ARFGEF3: variants seen among roughly 807,000 people sequenced by gnomAD.
The protein encoded by ARFGEF3 is brefeldin A-inhibited guanine nucleotide-exchange protein 3.
Under a neutral mutation model 221.7 loss-of-function variants are expected in ARFGEF3, and 96 were observed. The observed-to-expected ratio is 0.43, with a 90% CI of 0.37 to 0.51. The LOEUF (loss-of-function observed/expected upper bound fraction) is 0.51, where lower values mean the gene tolerates loss of function less well. ARFGEF3 is among the 20% of genes least tolerant of loss of function. The pLI is 0.00. For synonymous variants in ARFGEF3, 1,145 were observed against 1,126.8 expected (o/e 1.02, Z -0.32); for missense variants, 2,410 against 2,789.9 (o/e 0.86, Z 3.07).
intron 4 of ARFGEF3, among the ~76,000 whole-genome samples, chr6:138,223,136 G>C (rs1322671033): frequency 1.3e-5 from 2 of 152,112 alleles, no homozygotes; most frequent in East Asian, 3.8e-4. Flanking sequence ...ACTCCATTTG[G>C]CTGGGCATGT....
In ARFGEF3 at chr6:138,327,906, C is replaced by A; in HGVS notation, c.5002-115C>A. On this transcript the variant is annotated intron_variant, in intron 31 of 33. Coordinates refer to ENST00000251691, the MANE Select transcript of ARFGEF3 (RefSeq NM_020340.5). ...TCAACAAACATATCAAATAGGAAAC[C>A]ATTATCCTCATTTTATAGATGAGGC... The A allele has an allele frequency of 2.7e-6, 2 of 744,618 alleles. 1 individual carries two copies. Among genetic ancestry groups the A allele is most frequent in the South Asian group, 4.0e-5 (2 of 49,486 alleles). The allele number at this position is 744,618 out of a possible 1,614,324, so 46.1% of individuals were successfully genotyped here. A position where few individuals can be genotyped will look rare whatever the true frequency, so the allele number is the denominator to read the frequency against.
At chr6:138,256,787 T>G (rs1367826294) in intron 10 of ARFGEF3, among the ~76,000 whole-genome samples, 3 of 151,802 alleles carry the variant, frequency 2.0e-5, no homozygotes, top group Non-Finnish European at 4.4e-5. Flanking sequence ...CTTTTATTTA[T>G]TTATTTATTT....
intron 27 of ARFGEF3, among the ~76,000 whole-genome samples, chr6:138,317,709 G>A (rs1276552041): frequency 6.6e-6 from 1 of 152,164 alleles, no homozygotes; most frequent in Admixed American, 6.5e-5. Context: ...CATGGTCACA[G>A]CCTTCCTTTG....
chr6:138,277,084 C>T (rs1261334528), intron 12 of ARFGEF3, among the ~76,000 whole-genome samples: 1 of 152,184 alleles, frequency 6.6e-6, no homozygotes, highest in African/African-American at 2.4e-5. Flanking sequence ...ATTGTATTCA[C>T]AGTGTTGTGC....
Position 138,291,896 on chromosome 6 carries a change from C to T in ARFGEF3, c.3211C>T (p.Arg1071Cys), listed in dbSNP as rs764225934. ...SPPEHSPEQGRSLSTAPVVQP... is the reference protein window; with the variant it reads ...SPPEHSPEQGCSLSTAPVVQP... ...CCCCGAGCACAGCCCGGAGCAGGGG[C>T]GCTCCCTGAGCACGGCCCCTGTCGT... The change falls in exon 19 of 34, where the codon CGC becomes TGC. Residue 1071 changes from arginine (R) to cysteine (C), a missense_variant. By Grantham distance (180) the Arg-to-Cys change is radical. This residue lies in a region of ARFGEF3 where 184 missense variants were observed against 141.8 expected (regional missense o/e 1.30). Transcript: ENST00000251691. The surrounding 1 kb of genome is among the most constrained non-coding windows in gnomAD (Gnocchi z 4.5). 27 of 1,492,662 alleles carry T rather than the reference C, an allele frequency of 1.8e-5. No individual in the cohort carries two copies. Among genetic ancestry groups the T allele is most frequent in the Admixed American group, 6.8e-5 (3 of 44,056 alleles). 92.5% of individuals were successfully genotyped at this position (1,492,662 alleles called of 1,614,324 possible).
intron 12 of ARFGEF3, among the ~76,000 whole-genome samples, chr6:138,270,010 G>T (rs796567321): frequency 6.6e-6 from 1 of 152,064 alleles, no homozygotes; most frequent in Non-Finnish European, 1.5e-5. Flanking sequence ...GGTGCTGGCG[G>T]AGCTGCTGGC....
chr6:138,225,492 C>T (rs1205176739), intron 4 of ARFGEF3, among the ~76,000 whole-genome samples: 3 of 152,230 alleles, frequency 2.0e-5, no homozygotes, highest in Non-Finnish European at 2.9e-5. Context: ...TTATATACCT[C>T]ACAATTGCAA....
intron 31 of ARFGEF3, among the ~76,000 whole-genome samples, chr6:138,325,572 T>A (rs577259577): frequency 6.6e-5 from 10 of 152,338 alleles, no homozygotes; most frequent in Admixed American, 2.0e-4. Flanking sequence ...GCATGGCAGT[T>A]GGAGCTGCTG....
chr6:138,170,297 A>G (rs562286598), intron 1 of ARFGEF3, among the ~76,000 whole-genome samples: 1 of 152,354 alleles, frequency 6.6e-6, no homozygotes, highest in African/African-American at 2.4e-5. Context: ...TTGTGTAAGG[A>G]TATTGAAACA....
intron 2 of ARFGEF3, among the ~76,000 whole-genome samples, chr6:138,196,484 A>G (rs1777425261): frequency 6.6e-6 from 1 of 152,248 alleles, no homozygotes; most frequent in Admixed American, 6.5e-5. Flanking sequence ...AAGATAAAAA[A>G]TGGTACACCT....
intron 22 of ARFGEF3, among the ~76,000 whole-genome samples, chr6:138,299,198 T>TAAAAAAAAAA (rs60475752): frequency 1.5e-4 from 6 of 39,438 alleles, no homozygotes; most frequent in African/African-American, 2.6e-4. Flanking sequence ...CGAGACTCTG[T>TAAAAAAAAAA]AAAAAAAAAA....
At chr6:138,300,842 T>C (rs1433487449) in intron 22 of ARFGEF3, among the ~76,000 whole-genome samples, 2 of 152,182 alleles carry the variant, frequency 1.3e-5, no homozygotes, top group African/African-American at 4.8e-5. Context: ...TAAACCCAAC[T>C]TCAAATAATC....
chr6:138,281,935 TG>T (rs1472619317), intron 14 of ARFGEF3, among the ~76,000 whole-genome samples: 2 of 151,992 alleles, frequency 1.3e-5, no homozygotes, highest in Non-Finnish European at 2.9e-5. Context: ...CTGGGTTTTT[TG>T]TTTGGTTGGT....
chr6:138,179,382 G>T (rs1261670157), intron 2 of ARFGEF3, among the ~76,000 whole-genome samples: 1 of 152,102 alleles, frequency 6.6e-6, no homozygotes, highest in Non-Finnish European at 1.5e-5. Context: ...TTGCTTACCT[G>T]CTCCATGATT....
chr6:138,266,693 C>CA lies in ARFGEF3; in HGVS notation c.2128+3088dup, dbSNP rs747814696. 4.0e-5 allele frequency among the ~76,000 whole-genome samples: 6 copies of CA among 151,542 alleles called. No homozygotes were observed. The East Asian group carries it at 1.2e-3, about 30-fold the overall frequency. On this transcript the variant is annotated intron_variant, in intron 12 of 33. Transcript: ENST00000251691. ...TGAAACCCCGTCTCTACTAAAAATA[C>CA]AAAAAATTAGCTGGGCGTGGTGGCA...
chr6:138,316,802 C>A (rs1222012824), intron 26 of ARFGEF3, among the ~76,000 whole-genome samples: 10 of 152,166 alleles, frequency 6.6e-5, no homozygotes, highest in Admixed American at 4.6e-4. Context: ...TAGTGATAGT[C>A]GCACAACATT....
At chr6:138,260,782 CA>C (rs2114586687) in intron 10 of ARFGEF3, among the ~76,000 whole-genome samples, 1 of 151,792 alleles carries the variant, frequency 6.6e-6, no homozygotes, top group African/African-American at 2.4e-5. Context: ...ATAAAAATTT[CA>C]AAACAGGTAC....
At chr6:138,318,366 T>C (rs1270487931) in intron 27 of ARFGEF3, among the ~76,000 whole-genome samples, 2 of 152,158 alleles carry the variant, frequency 1.3e-5, no homozygotes, top group Admixed American at 6.5e-5. Flanking sequence ...AAGGAAATTA[T>C]CAATAATAAA....
At chr6:138,178,858 A>C (rs1582996913) in intron 2 of ARFGEF3, among the ~76,000 whole-genome samples, 1 of 152,318 alleles carries the variant, frequency 6.6e-6, no homozygotes, top group African/African-American at 2.4e-5. Flanking sequence ...GAGTATACCC[A>C]GAAGCCCAAC....
Sources: allele counts gnomAD v4.1 joint callset (sites outside exome capture counted in the v4.1 genomes callset), GRCh38; gene constraint gnomAD v4.1.1; regional missense constraint gnomAD v4.1.1; non-coding constraint Gnocchi (gnomAD v3.1); transcripts MANE v1.5; gene names NCBI Gene and HGNC (gene_info 2026-07-23, HGNC 2026-07-21).